Variants in AUTS2 observed in about 807,000 individuals in gnomAD.
AUTS2 encodes activator of transcription and developmental regulator AUTS2, also known as autism susceptibility gene 2 protein.
Under a neutral mutation model 112.4 loss-of-function variants are expected in AUTS2, and 17 were observed. The ratio of observed to expected loss-of-function variants is 0.15; its 90% CI spans 0.10 to 0.23. The LOEUF is 0.23. Among genes scored for constraint, AUTS2 ranks in the 10% least tolerant of loss-of-function variants. The pLI is 1.00. For missense variants in AUTS2, 1,510 were observed against 1,701.6 expected, an observed-to-expected ratio of 0.89 and a Z score of 1.98; for synonymous variants, 751 against 702.7, an observed-to-expected ratio of 1.07 and a Z score of -1.09.
chr7:70,341,488 G>A (rs545359787), intron 4 of AUTS2, among the ~76,000 whole-genome samples: 304 of 152,302 alleles, frequency 2.0e-3, no homozygotes, highest in Non-Finnish European at 3.4e-3. Flanking sequence ...TAATGCCCAG[G>A]CTGACTGCTG....
At chr7:69,779,050 T>TAA (rs1554368326) in intron 1 of AUTS2, among the ~76,000 whole-genome samples, 189 of 86,572 alleles carry the variant, frequency 2.2e-3, no homozygotes, top group African/African-American at 5.3e-3. Context: ...TTTTTTTTTT[T>TAA]AAAAAAAAAA....
At chr7:70,749,133 G>T (rs184159235) in intron 6 of AUTS2, among the ~76,000 whole-genome samples, 2 of 152,092 alleles carry the variant, frequency 1.3e-5, no homozygotes, top group Admixed American at 1.3e-4. Flanking sequence ...TCCCACCACC[G>T]CATCCTGTCC....
intron 4 of AUTS2, among the ~76,000 whole-genome samples, chr7:70,177,681 T>G (rs1458123926): frequency 6.6e-6 from 1 of 152,134 alleles, no homozygotes; most frequent in Non-Finnish European, 1.5e-5. Flanking sequence ...AGGGGTTTCG[T>G]TAAGGAAAGG....
chr7:70,011,359 C>A (rs1584573883), intron 2 of AUTS2, among the ~76,000 whole-genome samples: 1 of 145,274 alleles, frequency 6.9e-6, no homozygotes, highest in African/African-American at 2.6e-5. Flanking sequence ...CCTCTCCTCT[C>A]CTCTCCCTCA....
chr7:70,695,222 T>A (rs1217248748), intron 5 of AUTS2, among the ~76,000 whole-genome samples: 2 of 151,694 alleles, frequency 1.3e-5, no homozygotes, highest in African/African-American at 4.8e-5. Context: ...CCTTCTTTCC[T>A]CCCCCCTCTG....
At chr7:70,131,221 C>T (rs577584074) in intron 3 of AUTS2, among the ~76,000 whole-genome samples, 1 of 152,026 alleles carries the variant, frequency 6.6e-6, no homozygotes, top group Admixed American at 6.6e-5. Context: ...GAAGCCGACA[C>T]AAGAGGATCA....
intron 1 of AUTS2, among the ~76,000 whole-genome samples, chr7:69,639,374 C>T (rs1464996857): frequency 1.3e-5 from 2 of 152,114 alleles, no homozygotes; most frequent in Non-Finnish European, 2.9e-5. Flanking sequence ...GGAAAGTTCC[C>T]TGTTGGTGGC....
At chr7:70,415,222 G>A (rs1382071139) in intron 4 of AUTS2, among the ~76,000 whole-genome samples, 1 of 152,196 alleles carries the variant, frequency 6.6e-6, no homozygotes, top group Non-Finnish European at 1.5e-5. Context: ...ATGAAATGAA[G>A]GTTGGGGGCA....
At chr7:69,705,904 C>A (rs1482074504) in intron 1 of AUTS2, among the ~76,000 whole-genome samples, 2 of 151,934 alleles carry the variant, frequency 1.3e-5, no homozygotes, top group African/African-American at 4.8e-5. Context: ...TTCAGATTTC[C>A]TCTTCCTTTA....
intron 5 of AUTS2, among the ~76,000 whole-genome samples, chr7:70,676,133 A>G (rs1807898947): frequency 6.6e-6 from 1 of 151,986 alleles, no homozygotes; most frequent in African/African-American, 2.4e-5. Flanking sequence ...CTTCATTAAA[A>G]AGAAGAAGAA....
At chr7:70,372,379 T>C (rs55946510) in intron 4 of AUTS2, among the ~76,000 whole-genome samples, 9,847 of 152,218 alleles carry the variant, frequency 0.065, 397 homozygotes, top group African/African-American at 0.1. Context: ...TTAATGGAAC[T>C]GCTAAAAAGA....
chr7:69,643,203 G>A (rs1794868971), intron 1 of AUTS2: 1 of 152,268 alleles, frequency 6.6e-6, no homozygotes, highest in Non-Finnish European at 1.5e-5. Flanking sequence ...AAGCAGCAAG[G>A]GAGAGAACAA....
At chr7:69,810,794 A>G (rs1790513787) in intron 1 of AUTS2, among the ~76,000 whole-genome samples, 1 of 152,184 alleles carries the variant, frequency 6.6e-6, no homozygotes, top group African/African-American at 2.4e-5. Flanking sequence ...TTGCGCCTTT[A>G]TTAGTTCATA....
chr7:70,263,694 G>A (rs1787276272), intron 4 of AUTS2, among the ~76,000 whole-genome samples: 1 of 152,190 alleles, frequency 6.6e-6, no homozygotes, highest in Admixed American at 6.5e-5. Flanking sequence ...GAAGGAACTG[G>A]CAAGGGAGCA....
At chr7:70,731,155 T>G (rs1164967229) in intron 6 of AUTS2, among the ~76,000 whole-genome samples, 1 of 152,140 alleles carries the variant, frequency 6.6e-6, no homozygotes, top group Non-Finnish European at 1.5e-5. Context: ...CCTTTACTCT[T>G]AAAATGATGT....
chr7:70,374,001 T>C (rs1046797197), intron 4 of AUTS2, among the ~76,000 whole-genome samples: 8 of 152,202 alleles, frequency 5.3e-5, no homozygotes, highest in African/African-American at 1.9e-4. Flanking sequence ...AACTATACTT[T>C]ATATAACCTA....
intron 2 of AUTS2, among the ~76,000 whole-genome samples, chr7:69,926,305 C>G (rs143732067): frequency 6.6e-6 from 1 of 152,160 alleles, no homozygotes; most frequent in East Asian, 1.9e-4. Flanking sequence ...TTGTCCTGTG[C>G]TATTTTGAGG....
At chr7:70,290,099 A>G (rs565604444) in intron 4 of AUTS2, among the ~76,000 whole-genome samples, 1 of 152,240 alleles carries the variant, frequency 6.6e-6, no homozygotes, top group Non-Finnish European at 1.5e-5. Flanking sequence ...AATCTTGTGT[A>G]TGAAGAGTCA....
intron 2 of AUTS2, among the ~76,000 whole-genome samples, chr7:69,953,467 T>G (rs1001989731): frequency 2.0e-5 from 3 of 152,158 alleles, no homozygotes; most frequent in Non-Finnish European, 4.4e-5. Flanking sequence ...AAGAAACCAC[T>G]AACAGCAGTA....
Sources: gnomAD v4.1 joint callset for allele counts (sites outside exome capture counted in the v4.1 genomes callset) on GRCh38, gnomAD v4.1.1 for gene constraint, MANE v1.5 for transcripts, NCBI Gene and HGNC (gene_info 2026-07-23, HGNC 2026-07-21) for gene names.